The following LOC128125817 variants were observed in gnomAD, a reference collection of about 807,000 sequenced individuals.
the LOC128125817 span, among the ~76,000 whole-genome samples, chr1:41,612,564 A>G: frequency 2.0e-5 from 3 of 152,190 alleles, no homozygotes; most frequent in Non-Finnish European, 2.9e-5. Flanking sequence ...AGAGAGGTGG[A>G]AAGTGGCTGG....
chr1:41,599,379 G>A, the LOC128125817 span, among the ~76,000 whole-genome samples: 2 of 152,256 alleles, frequency 1.3e-5, no homozygotes, highest in Non-Finnish European at 2.9e-5. Context: ...ATTGACAAAC[G>A]CGTAATCACA....
At chr1:41,585,355 C>T in the LOC128125817 span, 2 of 398,962 alleles carry the variant, frequency 5.0e-6, no homozygotes, top group Non-Finnish European at 8.8e-6. Context: ...GAAATACACA[C>T]ACACAAAAGA....
the LOC128125817 span, among the ~76,000 whole-genome samples, chr1:41,622,995 T>C: frequency 7.7e-4 from 117 of 152,308 alleles, no homozygotes; most frequent in African/African-American, 2.3e-3. Flanking sequence ...CACAGAGAAG[T>C]GAAGTCATTT....
the LOC128125817 span, among the ~76,000 whole-genome samples, chr1:41,620,694 C>T: frequency 1.3e-5 from 2 of 152,136 alleles, no homozygotes; most frequent in East Asian, 3.9e-4. Context: ...ATCTTTTCAC[C>T]CCTCTGTCTC....
At chr1:41,588,093 G>C in the LOC128125817 span, among the ~76,000 whole-genome samples, 30 of 152,320 alleles carry the variant, frequency 2.0e-4, 1 homozygote, top group Admixed American at 1.1e-3. Context: ...CCTAAGCTAA[G>C]GCGGGCAGAA....
the LOC128125817 span, chr1:41,628,793 T>C: frequency 4.1e-6 from 5 of 1,232,170 alleles, no homozygotes; most frequent in Middle Eastern, 3.1e-4. Context: ...TGAAACGCTG[T>C]TCTCTCTGAA....
the LOC128125817 span, among the ~76,000 whole-genome samples, chr1:41,616,096 A>G: frequency 1.3e-5 from 2 of 151,518 alleles, no homozygotes; most frequent in Non-Finnish European, 2.9e-5. Context: ...CTCTCCCTCC[A>G]CTCCCAAAGC....
chr1:41,621,215 CG>C, the LOC128125817 span, among the ~76,000 whole-genome samples: 1 of 152,228 alleles, frequency 6.6e-6, no homozygotes, highest in Non-Finnish European at 1.5e-5. Flanking sequence ...CCACAGACCA[CG>C]GCCTTGACCC....
the LOC128125817 span, among the ~76,000 whole-genome samples, chr1:41,616,531 C>T: frequency 6.6e-6 from 1 of 150,752 alleles, no homozygotes; most frequent in East Asian, 2.0e-4. Flanking sequence ...AGAGGCTGCT[C>T]TCAGGAGGCC....
chr1:41,617,268 C>T, the LOC128125817 span, among the ~76,000 whole-genome samples: 3 of 152,100 alleles, frequency 2.0e-5, no homozygotes, highest in Admixed American at 6.5e-5. Context: ...TTCCATAGGC[C>T]GGATTTCCAG....
At chr1:41,589,342 G>T in the LOC128125817 span, among the ~76,000 whole-genome samples, 10 of 152,200 alleles carry the variant, frequency 6.6e-5, no homozygotes, top group African/African-American at 1.7e-4. Context: ...GCAGCCAACT[G>T]GTTAGCTCCC....
chr1:41,602,892 A>G, the LOC128125817 span, among the ~76,000 whole-genome samples: 2 of 151,996 alleles, frequency 1.3e-5, no homozygotes, highest in South Asian at 2.1e-4. Flanking sequence ...GCTGAATCCT[A>G]TAAGTTTTGG....
chr1:41,623,429 AG>A, the LOC128125817 span, among the ~76,000 whole-genome samples: 1 of 152,280 alleles, frequency 6.6e-6, no homozygotes, highest in Admixed American at 6.5e-5. Flanking sequence ...ATAAACAAAC[AG>A]GGCTATGTAA....
At chr1:41,597,393 TA>T in the LOC128125817 span, among the ~76,000 whole-genome samples, 2 of 152,246 alleles carry the variant, frequency 1.3e-5, no homozygotes, top group African/African-American at 4.8e-5. Flanking sequence ...GTGGGCATAA[TA>T]ATTCAGAGGA....
chr1:41,601,113 A>G, the LOC128125817 span, among the ~76,000 whole-genome samples: 1 of 152,128 alleles, frequency 6.6e-6, no homozygotes, highest in South Asian at 2.1e-4. Flanking sequence ...ATTGGTCTAC[A>G]TGTCTGTCTT....
chr1:41,586,822 C>A, the LOC128125817 span, among the ~76,000 whole-genome samples: 1 of 152,070 alleles, frequency 6.6e-6, no homozygotes, highest in South Asian at 2.1e-4. Flanking sequence ...CTACTTGGTG[C>A]TACAAAGAAT....
At chr1:41,592,108 C>T in the LOC128125817 span, among the ~76,000 whole-genome samples, 2 of 152,134 alleles carry the variant, frequency 1.3e-5, no homozygotes, top group South Asian at 2.1e-4. Context: ...GGTCTCCTCA[C>T]CACAGGCAGC....
the LOC128125817 span, among the ~76,000 whole-genome samples, chr1:41,619,271 C>T: frequency 0.044 from 6,712 of 152,338 alleles, 179 homozygotes; most frequent in East Asian, 0.096. Context: ...ACTCTCCACC[C>T]GTCCTGACTG....
At chr1:41,605,415 G>A in the LOC128125817 span, among the ~76,000 whole-genome samples, 1 of 149,738 alleles carries the variant, frequency 6.7e-6, no homozygotes, top group Non-Finnish European at 1.5e-5. Flanking sequence ...ACATACATAT[G>A]TTAAAAAGAA....
Sources: allele counts gnomAD v4.1 joint callset (sites outside exome capture counted in the v4.1 genomes callset), GRCh38; gene constraint gnomAD v4.1.1; transcripts MANE v1.5.